RAB38: variants seen among roughly 807,000 people sequenced by gnomAD.
The protein encoded by RAB38 is ras-related protein Rab-38.
In RAB38, 15 loss-of-function variants were observed where a neutral mutation model predicts 18.4. The ratio of observed to expected loss-of-function variants is 0.82; its 90% confidence interval spans 0.55 to 1.26. The LOEUF (loss-of-function observed/expected upper bound fraction) is 1.26, where lower values mean the gene tolerates loss of function less well. Ranked by LOEUF, RAB38 falls within the 50% of genes most tolerant of loss-of-function variation. RAB38 has a pLI of 0.00. For missense variants in RAB38, 294 were observed against 267.4 expected (o/e 1.10, Z -0.69); for synonymous variants, 101 against 104.4 (o/e 0.97, Z 0.20).
chr11:87,823,461 C>T, the RAB38 span, among the ~76,000 whole-genome samples: 1 of 151,186 alleles, frequency 6.6e-6, no homozygotes. Flanking sequence ...ACTGCTAAAA[C>T]ACATTTTTAA....
At chr11:88,035,861 C>CT in the RAB38 span, among the ~76,000 whole-genome samples, 5,087 of 149,044 alleles carry the variant, frequency 0.034, 104 homozygotes, top group Middle Eastern at 0.062. Context: ...CCTCAATGCC[C>CT]TTTTTTTTTT....
chr11:87,935,494 T>C, the RAB38 span, among the ~76,000 whole-genome samples: 1 of 152,174 alleles, frequency 6.6e-6, no homozygotes, highest in Non-Finnish European at 1.5e-5. Context: ...TTAATTTTGT[T>C]CCTTTTTTGG....
In RAB38 at chr11:88,150,090, G is replaced by T. The variant is rs530305670; in HGVS notation, c.203-135C>A. The T allele has an allele frequency of 3.3e-6, 3 of 914,552 alleles. No individual in the cohort carries two copies. In the South Asian group the frequency reaches 5.1e-5, roughly 16 times the overall value. The allele number at this position is 914,552 out of a possible 1,614,324, so 56.7% of individuals were successfully genotyped here. ...TCTTTACTGATAATCTTTAAAGAGC[G>T]AACTAAATATGCAATCATGTAGCTT... On this transcript the variant is annotated intron_variant, in intron 1 of 2. Coordinates refer to ENST00000243662, the MANE Select transcript of RAB38 (RefSeq NM_022337.3).
the RAB38 span, among the ~76,000 whole-genome samples, chr11:88,080,702 A>T: frequency 6.6e-6 from 1 of 152,054 alleles, no homozygotes; most frequent in East Asian, 1.9e-4. Context: ...ACATCAAGTG[A>T]ACACAAGACG....
At chr11:88,130,605 T>C (rs1942754969) in intron 2 of RAB38, among the ~76,000 whole-genome samples, 1 of 152,186 alleles carries the variant, frequency 6.6e-6, no homozygotes, top group Non-Finnish European at 1.5e-5. Context: ...ATCTGATCTT[T>C]AGTATAATGC....
chr11:88,030,915 GAC>G, the RAB38 span, among the ~76,000 whole-genome samples: 1 of 151,280 alleles, frequency 6.6e-6, no homozygotes, highest in Non-Finnish European at 1.5e-5. Context: ...GCGGGGCAGA[GAC>G]ACAACCAAAA....
chr11:87,841,112 GTATT>G, the RAB38 span, among the ~76,000 whole-genome samples: 11 of 152,040 alleles, frequency 7.2e-5, no homozygotes, highest in Admixed American at 1.3e-4. Context: ...TTAATATTAA[GTATT>G]TAGAATAGTG....
the RAB38 span, among the ~76,000 whole-genome samples, chr11:88,027,668 G>C: frequency 7.6e-6 from 1 of 131,550 alleles, no homozygotes; most frequent in Non-Finnish European, 1.6e-5. Context: ...CGAGGCTGGG[G>C]GAGGGGCGCC....
At chr11:88,047,308 C>T in the RAB38 span, among the ~76,000 whole-genome samples, 1 of 152,184 alleles carries the variant, frequency 6.6e-6, no homozygotes, top group African/African-American at 2.4e-5. Flanking sequence ...CTCTGATCCA[C>T]CTGACATTCC....
chr11:87,900,571 T>C, the RAB38 span, among the ~76,000 whole-genome samples: 1 of 151,566 alleles, frequency 6.6e-6, no homozygotes, highest in Admixed American at 6.6e-5. Flanking sequence ...ACCTCCCAAC[T>C]GACACACCAA....
chr11:87,925,790 G>C, the RAB38 span, among the ~76,000 whole-genome samples: 8 of 152,030 alleles, frequency 5.3e-5, no homozygotes, highest in Admixed American at 5.2e-4. Context: ...TGGGCTGTCT[G>C]TTGAGGTAAT....
Position 88,169,647 on chromosome 11 carries a change from AG to A in RAB38, c.202+5535del, listed in dbSNP as rs1943285134. 2.6e-5 allele frequency among the ~76,000 whole-genome samples: 4 copies of A among 152,224 alleles called. No individual in the cohort carries two copies. In the South Asian group the frequency reaches 8.3e-4, roughly 32 times the overall value. The stretch of plus-strand genomic sequence containing the variant: ...GGCCAGATGATGAAATTCTGTCTCA[AG>A]TTGTGCAGCCCTGACGCACTCACAG... On this transcript the variant is annotated intron_variant, in intron 1 of 2. Transcript: ENST00000243662.
At chr11:88,033,877 G>A in the RAB38 span, among the ~76,000 whole-genome samples, 4 of 151,860 alleles carry the variant, frequency 2.6e-5, no homozygotes, top group Admixed American at 6.6e-5. Context: ...ACAGGCAGCC[G>A]CCACTATGCC....
the RAB38 span, among the ~76,000 whole-genome samples, chr11:88,056,078 AT>A: frequency 1.3e-5 from 2 of 148,186 alleles, no homozygotes; most frequent in African/African-American, 5.3e-5. Context: ...TTGTGTAATT[AT>A]TTTTAGCTCT....
At chr11:87,875,206 T>C in the RAB38 span, among the ~76,000 whole-genome samples, 2 of 151,456 alleles carry the variant, frequency 1.3e-5, no homozygotes, top group Non-Finnish European at 3.0e-5. Flanking sequence ...AGTTAAGTGG[T>C]GGATTGGTTA....
Position 88,113,901 on chromosome 11 carries a change from C to T in RAB38, c.*87G>A. ...GGCTTGCCACATGTGGTATCTCTAT[C>T]CTGACGTTTACCCAAAATGGTAAAA... On this transcript the variant is annotated 3_prime_UTR_variant, in exon 3 of 3. Transcript: ENST00000243662. 6.6e-7 allele frequency: 1 copy of T among 1,518,216 alleles called. No individual in the cohort carries two copies. The highest frequency in any genetic ancestry group is 1.7e-5 in the Admixed American group (1 of 58,800). 94.0% of individuals were successfully genotyped at this position (1,518,216 alleles called of 1,614,324 possible). A position where few individuals can be genotyped will look rare whatever the true frequency, so the allele number is the denominator to read the frequency against.
chr11:87,878,228 C>A, the RAB38 span, among the ~76,000 whole-genome samples: 35 of 105,542 alleles, frequency 3.3e-4, no homozygotes, highest in Non-Finnish European at 5.3e-4. Flanking sequence ...TATATACACA[C>A]ATATATATAC....
the RAB38 span, among the ~76,000 whole-genome samples, chr11:87,923,303 G>A: frequency 2.5e-4 from 38 of 151,918 alleles, no homozygotes; most frequent in Non-Finnish European, 3.7e-4. Context: ...GGAAATGCTA[G>A]AGAAGACGCA....
the RAB38 span, among the ~76,000 whole-genome samples, chr11:88,045,903 G>T: frequency 1.3e-5 from 2 of 152,000 alleles, no homozygotes; most frequent in African/African-American, 4.8e-5. Context: ...ACTCTTTTAA[G>T]CACTCCTTTT....
Sources: allele counts gnomAD v4.1 joint callset (sites outside exome capture counted in the v4.1 genomes callset), GRCh38; gene constraint gnomAD v4.1.1; transcripts MANE v1.5; gene names NCBI Gene and HGNC (gene_info 2026-07-23, HGNC 2026-07-21).